The following GNAQ variants were observed in gnomAD, a reference collection of about 807,000 sequenced individuals.
GNAQ encodes G protein subunit alpha q, also known as guanine nucleotide-binding protein G(q) subunit alpha.
In GNAQ, 8 loss-of-function variants were observed where a neutral mutation model predicts 43.9. The ratio of observed to expected loss-of-function variants is 0.18; its 90% confidence interval spans 0.11 to 0.33. GNAQ has a LOEUF of 0.33. GNAQ is among the 10% of genes least tolerant of loss of function. The probability of loss-of-function intolerance (pLI) is 1.00; values close to 1 mark genes in which losing one functional copy is unlikely to be tolerated. For missense variants in GNAQ, 158 were observed against 450.8 expected (o/e 0.35, Z 5.88); for synonymous variants, 155 against 170.7 (o/e 0.91, Z 0.71).
chr9:77,940,428 A>T (rs1829297439), intron 1 of GNAQ, among the ~76,000 whole-genome samples: 1 of 152,056 alleles, frequency 6.6e-6, no homozygotes, highest in Non-Finnish European at 1.5e-5. Flanking sequence ...AAAGAAATAC[A>T]AAAATTAGCT....
chr9:78,012,731 T>G (rs911157817), intron 1 of GNAQ, among the ~76,000 whole-genome samples: 1 of 152,168 alleles, frequency 6.6e-6, no homozygotes, highest in Admixed American at 6.5e-5. Context: ...TATACATATA[T>G]GTACACAATT....
At position 77,720,774 on chromosome 9, in the gene GNAQ, A is replaced by G. The variant is rs968183711; in HGVS notation, c.*549T>C. On this transcript the variant is annotated 3_prime_UTR_variant, in exon 7 of 7. Transcript: ENST00000286548. Reference sequence around the variant, plus strand: ...AAGCAACACATTTAAAACCGTAAGTATTAATACATATAATCCTTCAGCAAA... The same window carrying G: ...AAGCAACACATTTAAAACCGTAAGTGTTAATACATATAATCCTTCAGCAAA... The G allele has an allele frequency of 8.6e-5, 20 of 233,590 alleles. No individual in the cohort carries two copies. Among genetic ancestry groups the G allele is most frequent in the Non-Finnish European group, 1.4e-4 (17 of 118,094 alleles). The allele number at this position is 233,590 out of a possible 1,614,324, so 14.5% of individuals were successfully genotyped here.
intron 1 of GNAQ, among the ~76,000 whole-genome samples, chr9:77,984,049 C>CA (rs72279886): frequency 0.026 from 1,795 of 67,904 alleles, 309 homozygotes; most frequent in East Asian, 0.18. Flanking sequence ...TTTTGGAGAG[C>CA]AAAAAAAAAA....
chr9:77,840,588 C>T (rs533940584), intron 2 of GNAQ, among the ~76,000 whole-genome samples: 6 of 152,178 alleles, frequency 3.9e-5, no homozygotes, highest in East Asian at 1.9e-4. Flanking sequence ...CCGTTTGCCT[C>T]GGCCTCCCAA....
chr9:77,788,892 T>C (rs914179181), intron 5 of GNAQ, among the ~76,000 whole-genome samples: 9 of 152,228 alleles, frequency 5.9e-5, no homozygotes, highest in Non-Finnish European at 1.2e-4. Context: ...GATATTATCA[T>C]GAATCTGATT....
chr9:77,984,480 G>A (rs1280446854), intron 1 of GNAQ, among the ~76,000 whole-genome samples: 1 of 152,036 alleles, frequency 6.6e-6, no homozygotes, highest in African/African-American at 2.4e-5. Flanking sequence ...GTTTAACTGT[G>A]TTTATTCTTA....
At chr9:77,994,580 A>C (rs1459355407) in intron 1 of GNAQ, among the ~76,000 whole-genome samples, 1 of 152,094 alleles carries the variant, frequency 6.6e-6, no homozygotes, top group African/African-American at 2.4e-5. Context: ...ATCAACTCCT[A>C]CTGCTGTATT....
chr9:77,830,786 GT>G (rs1827285753), intron 2 of GNAQ, among the ~76,000 whole-genome samples: 1 of 152,036 alleles, frequency 6.6e-6, no homozygotes, highest in Admixed American at 6.6e-5. Flanking sequence ...ATTTGGATAT[GT>G]TTCCATTGTG....
At chr9:77,827,814 T>C (rs903778964) in intron 2 of GNAQ, among the ~76,000 whole-genome samples, 2 of 152,046 alleles carry the variant, frequency 1.3e-5, no homozygotes, top group Non-Finnish European at 2.9e-5. Context: ...ACCAATCTCT[T>C]GTTAAAAAAT....
intron 2 of GNAQ, among the ~76,000 whole-genome samples, chr9:77,889,012 C>T (rs1181092439): frequency 6.6e-6 from 1 of 152,132 alleles, no homozygotes; most frequent in East Asian, 1.9e-4. Flanking sequence ...TGCCCAGTTT[C>T]CTTTGAAGCA....
intron 5 of GNAQ, among the ~76,000 whole-genome samples, chr9:77,763,722 C>T (rs1021009615): frequency 3.3e-5 from 5 of 152,162 alleles, no homozygotes; most frequent in Admixed American, 2.6e-4. Context: ...CAAAAATGTC[C>T]TGTCTGCTGG....
intron 1 of GNAQ, among the ~76,000 whole-genome samples, chr9:78,009,504 T>C (rs915647397): frequency 2.0e-5 from 3 of 152,236 alleles, no homozygotes; most frequent in Non-Finnish European, 4.4e-5. Context: ...ATTGGCTTCA[T>C]GCCCATTAAG....
chr9:77,790,789 T>C (rs1587917926), intron 5 of GNAQ, among the ~76,000 whole-genome samples: 1 of 152,214 alleles, frequency 6.6e-6, no homozygotes, highest in Non-Finnish European at 1.5e-5. Context: ...TTCAGTGACC[T>C]TGGCCACAGG....
chr9:78,006,488 T>C (rs370296630), intron 1 of GNAQ, among the ~76,000 whole-genome samples: 1 of 152,284 alleles, frequency 6.6e-6, no homozygotes, highest in East Asian at 1.9e-4. Flanking sequence ...TCCCCACTGT[T>C]CTCAGCATAT....
intron 1 of GNAQ, among the ~76,000 whole-genome samples, chr9:77,943,517 A>T (rs1401031491): frequency 6.6e-6 from 1 of 152,098 alleles, no homozygotes; most frequent in East Asian, 1.9e-4. Context: ...GACTGGATAA[A>T]CTCAAAAGTG....
intron 2 of GNAQ, among the ~76,000 whole-genome samples, chr9:77,853,530 T>G (rs1225229447): frequency 6.6e-6 from 1 of 152,116 alleles, no homozygotes; most frequent in Non-Finnish European, 1.5e-5. Flanking sequence ...ATGGAAGCCA[T>G]TCTCTTGACT....
intron 1 of GNAQ, among the ~76,000 whole-genome samples, chr9:77,975,352 G>C (rs1823285080): frequency 6.6e-6 from 1 of 152,064 alleles, no homozygotes; most frequent in Non-Finnish European, 1.5e-5. Context: ...TGCAATAAGT[G>C]CTTTATTCAA....
chr9:78,014,933 TATC>T (rs1298733607), intron 1 of GNAQ, among the ~76,000 whole-genome samples: 1 of 152,148 alleles, frequency 6.6e-6, no homozygotes, highest in African/African-American at 2.4e-5. Flanking sequence ...ACATCGTAGT[TATC>T]ATAATGCAAC....
chr9:77,999,448 A>G (rs1207830576), intron 1 of GNAQ, among the ~76,000 whole-genome samples: 1 of 152,224 alleles, frequency 6.6e-6, no homozygotes, highest in Non-Finnish European at 1.5e-5. Flanking sequence ...AGTACTTTAA[A>G]AGCTGATAGA....
Sources: allele counts gnomAD v4.1 joint callset (sites outside exome capture counted in the v4.1 genomes callset), GRCh38; gene constraint gnomAD v4.1.1; transcripts MANE v1.5; gene names NCBI Gene and HGNC (gene_info 2026-07-23, HGNC 2026-07-21).